Variants in MYOF observed in about 807,000 individuals in gnomAD.
The protein encoded by MYOF is myoferlin, also known as fer-1-like 3, myoferlin.
In MYOF, 244 loss-of-function variants were observed where a neutral mutation model predicts 284.2. That is an observed-to-expected ratio of 0.86 (90% CI 0.77 to 0.95). The LOEUF (loss-of-function observed/expected upper bound fraction) is 0.95. Ranked by LOEUF, MYOF falls within the 40% of genes least tolerant of loss-of-function variation. The probability of loss-of-function intolerance (pLI) is 0.00; values close to 1 mark genes in which losing one functional copy is unlikely to be tolerated. For synonymous variants in MYOF, 904 were observed against 919.7 expected, an observed-to-expected ratio of 0.98 and a Z score of 0.31; for missense variants, 2,496 against 2,560.6, an observed-to-expected ratio of 0.97 and a Z score of 0.54.
At chr10:93,382,272 G>A (rs560016992) in intron 19 of MYOF, among the ~76,000 whole-genome samples, 102 of 151,330 alleles carry the variant, frequency 6.7e-4, no homozygotes, top group African/African-American at 2.3e-3. Flanking sequence ...AGGGTCTCAT[G>A]CTGTCACCTA....
chr10:93,372,025 T>C (rs943805113), intron 24 of MYOF, among the ~76,000 whole-genome samples: 1 of 152,204 alleles, frequency 6.6e-6, no homozygotes, highest in Admixed American at 6.5e-5. Flanking sequence ...CAAGAGACAC[T>C]TGAAAGAAGA....
chr10:93,363,886 G>A (rs1845194377), intron 27 of MYOF, 75 bp downstream of exon 27: 1 of 1,350,712 alleles, frequency 7.4e-7, no homozygotes, highest in Non-Finnish European at 1.0e-6. Context: ...GCCCAAGCCA[G>A]GTGGCTGCTG....
intron 5 of MYOF, among the ~76,000 whole-genome samples, chr10:93,414,566 T>G (rs1013633307): frequency 2.4e-4 from 36 of 152,148 alleles, no homozygotes; most frequent in African/African-American, 7.9e-4. Flanking sequence ...AACAAGAAAC[T>G]ACAGTCACTG....
At chr10:93,367,422 A>G (rs962538392) in intron 25 of MYOF, among the ~76,000 whole-genome samples, 3 of 152,126 alleles carry the variant, frequency 2.0e-5, no homozygotes, top group African/African-American at 7.2e-5. Flanking sequence ...AAAGGAGGAG[A>G]TTTGAGTGGG....
At chr10:93,372,877 G>C (rs978573546) in intron 24 of MYOF, 53 bp downstream of exon 24, 1 of 1,598,002 alleles carries the variant, frequency 6.3e-7, no homozygotes, top group African/African-American at 1.3e-5. Context: ...CCCTTCTCAG[G>C]AATACAGCTT....
chr10:93,336,142 G>A (rs1843597463), intron 40 of MYOF, 96 bp from the exon 41 acceptor site: 8 of 1,404,304 alleles, frequency 5.7e-6, no homozygotes, highest in Non-Finnish European at 7.7e-6. Flanking sequence ...TGAGGTTGTG[G>A]ATGGGGCGAC....
chr10:93,310,121 T>C lies in MYOF; in HGVS notation c.6046A>G (p.Met2016Val), dbSNP rs1480251654. 3.1e-6 allele frequency: 5 copies of C among 1,614,030 alleles called. No individual in the cohort carries two copies. Among genetic ancestry groups the C allele is most frequent in the African/African-American group, 2.7e-5 (2 of 74,918 alleles). The change falls in exon 53 of 54, where the codon ATG becomes GTG. Residue 2016 changes from methionine (M) to valine (V), a missense_variant. This residue lies in a region of MYOF where 2,436 missense variants were observed against 2,480.7 expected (regional missense o/e 0.98). Coordinates refer to ENST00000359263, the MANE Select transcript of MYOF (RefSeq NM_013451.4). ...FLWFTNPCKT[M>V]KFIVWRRFKW... ...AAGCGGCGCCACACGATGAACTTCA[T>C]GGTCTTGCATGGGTTGGTGAACCAG...
Position 93,406,288 on chromosome 10 carries a change from T to TTTTATATATA in MYOF, c.730-2070_730-2069insTATATATAAA, listed in dbSNP as rs1271223936. Among the ~76,000 whole-genome samples the TTTTATATATA allele has an allele frequency of 1.0e-3, 59 of 58,148 alleles. 1 individual carries two copies. The highest frequency in any genetic ancestry group is 1.9e-3 in the African/African-American group (49 of 25,926). The allele number at this position is 58,148 out of a possible 152,430, so 38.1% of individuals were successfully genotyped here. On this transcript the variant is annotated intron_variant, in intron 7 of 53. Coordinates refer to ENST00000359263, the MANE Select transcript of MYOF (RefSeq NM_013451.4). ...TAGAAATTTTTTTAGTAAACCTCTTTTATATATATATATATATATATATAT... is the reference window on the plus strand; with the variant it reads ...TAGAAATTTTTTTAGTAAACCTCTTTTTTATATATATATATATATATATATATATATATAT...
intron 49 of MYOF, among the ~76,000 whole-genome samples, chr10:93,318,745 T>C (rs1451563606): frequency 6.6e-6 from 1 of 152,030 alleles, no homozygotes; most frequent in African/African-American, 2.4e-5. Context: ...GCAACAACAG[T>C]GAAACTCTGT....
chr10:93,347,714 C>T lies in MYOF; in HGVS notation c.4152G>A (p.Gly1384=), dbSNP rs756693401. The T allele has an allele frequency of 6.2e-7, 1 of 1,614,116 alleles. No homozygotes were observed. Among genetic ancestry groups the T allele is most frequent in the South Asian group, 1.1e-5 (1 of 91,070 alleles). ...VIKVIDHRQF[G]RKPVVGQCTI... ...TGCACTGGCCGACGACAGGCTTCCG[C>T]CCAAACTGCCTGTGGTCGATGACCT... Residue 1384 remains glycine (G), a synonymous_variant, in exon 37 of 54, where the codon GGG becomes GGA. Coordinates refer to ENST00000359263, the MANE Select transcript of MYOF (RefSeq NM_013451.4).
intron 53 of MYOF, among the ~76,000 whole-genome samples, chr10:93,307,488 G>A (rs1187274095): frequency 6.6e-6 from 1 of 151,936 alleles, no homozygotes; most frequent in Admixed American, 6.6e-5. Context: ...TCTTAGTAGA[G>A]ATGGGGTTTC....
At chr10:93,339,833 A>T (rs1843806529) in intron 39 of MYOF, among the ~76,000 whole-genome samples, 1 of 152,036 alleles carries the variant, frequency 6.6e-6, no homozygotes, top group African/African-American at 2.4e-5. Flanking sequence ...TAATCACAGC[A>T]CTTTGGGAGG....
At chr10:93,443,404 C>T (rs556682888) in intron 3 of MYOF, among the ~76,000 whole-genome samples, 1 of 152,214 alleles carries the variant, frequency 6.6e-6, no homozygotes, top group East Asian at 1.9e-4. Context: ...CTCTGCAAGT[C>T]TCTGAAGTGC....
chr10:93,308,584 CAAA>C (rs35344958), intron 53 of MYOF, among the ~76,000 whole-genome samples: 2 of 94,586 alleles, frequency 2.1e-5, no homozygotes, highest in Non-Finnish European at 4.1e-5. Flanking sequence ...GACTCTGTCT[CAAA>C]AAAAAAAAAA....
chr10:93,421,169 A>G (rs1848341614), intron 5 of MYOF, among the ~76,000 whole-genome samples: 1 of 152,154 alleles, frequency 6.6e-6, no homozygotes, highest in Non-Finnish European at 1.5e-5. Flanking sequence ...ATGAGCCAAG[A>G]TTACTCCACT....
At chr10:93,464,334 A>T (rs988445873) in intron 1 of MYOF, among the ~76,000 whole-genome samples, 1 of 152,010 alleles carries the variant, frequency 6.6e-6, no homozygotes, top group Admixed American at 6.6e-5. Context: ...GTTCCTTAAA[A>T]TCTCTCTTTC....
chr10:93,354,547 T>C (rs1844693378), intron 31 of MYOF, among the ~76,000 whole-genome samples: 1 of 152,170 alleles, frequency 6.6e-6, no homozygotes, highest in Non-Finnish European at 1.5e-5. Flanking sequence ...CGGGGCTTTC[T>C]ATACTACTTC....
At chr10:93,467,904 G>A (rs992181213) in intron 1 of MYOF, among the ~76,000 whole-genome samples, 5 of 152,148 alleles carry the variant, frequency 3.3e-5, no homozygotes, top group African/African-American at 7.2e-5. Flanking sequence ...GGTGCCAGGC[G>A]ACCTGTCACT....
intron 1 of MYOF, among the ~76,000 whole-genome samples, chr10:93,473,618 T>A (rs7913298): frequency 0.074 from 11,288 of 152,156 alleles, 1,429 homozygotes; most frequent in African/African-American, 0.26. Flanking sequence ...AGAGGGGAGC[T>A]GACATGATTC....
Sources: gnomAD v4.1 joint callset for allele counts (sites outside exome capture counted in the v4.1 genomes callset) on GRCh38, gnomAD v4.1.1 for gene constraint, gnomAD v4.1.1 regional missense constraint, MANE v1.5 for transcripts, NCBI Gene and HGNC (gene_info 2026-07-23, HGNC 2026-07-21) for gene names.